CNTNAP2: variants seen among roughly 807,000 people sequenced by gnomAD.
CNTNAP2 encodes the protein contactin-associated protein-like 2.
In CNTNAP2, 98 loss-of-function variants were observed where a neutral mutation model predicts 155.2. That is an observed-to-expected ratio of 0.63 (90% CI 0.54 to 0.75). The LOEUF is 0.75. CNTNAP2 is among the 30% of genes least tolerant of loss of function. The probability of loss-of-function intolerance (pLI) is 0.00; values close to 1 mark genes in which losing one functional copy is unlikely to be tolerated. For missense variants in CNTNAP2, 1,727 were observed against 1,688.1 expected, an observed-to-expected ratio of 1.02 and a Z score of -0.40; for synonymous variants, 651 against 631.2, an observed-to-expected ratio of 1.03 and a Z score of -0.47.
intron 9 of CNTNAP2, among the ~76,000 whole-genome samples, chr7:147,360,648 C>T (rs1796133506): frequency 1.3e-5 from 2 of 151,848 alleles, no homozygotes; most frequent in South Asian, 2.1e-4. Context: ...GAAAAAAAAA[C>T]TCTCTGTACC....
chr7:146,555,860 T>G (rs927580191), intron 1 of CNTNAP2, among the ~76,000 whole-genome samples: 38 of 152,174 alleles, frequency 2.5e-4, no homozygotes, highest in Non-Finnish European at 4.6e-4. Context: ...ATACACATTT[T>G]TTTTCTTGTA....
At chr7:148,137,114 T>C (rs1289724233) in intron 16 of CNTNAP2, among the ~76,000 whole-genome samples, 2 of 152,216 alleles carry the variant, frequency 1.3e-5, no homozygotes, top group African/African-American at 2.4e-5. Flanking sequence ...CTAACTCTTC[T>C]ACAACTTTAA....
rs181154202 is a variant in CNTNAP2, at chr7:147,286,394, T to G, written c.1349-13747T>G. Among the ~76,000 whole-genome samples, 322 of 152,190 alleles carry G rather than the reference T, an allele frequency of 2.1e-3. 4 individuals are homozygous for G. The highest frequency in any genetic ancestry group is 1.0e-3 in the Non-Finnish European group (71 of 67,974). ...GCTTAGAACAGAACAAAACAGTGAC[T>G]GTAAACAAATACTAATATTTAATTT... On this transcript the variant is annotated intron_variant, in intron 8 of 23. Transcript: ENST00000361727.
At chr7:147,369,763 T>G (rs1183503036) in intron 9 of CNTNAP2, among the ~76,000 whole-genome samples, 1 of 152,202 alleles carries the variant, frequency 6.6e-6, no homozygotes, top group Admixed American at 6.5e-5. Flanking sequence ...ATTGAGGCCC[T>G]CCTCAACTTT....
Position 147,549,875 on chromosome 7 carries a change from C to T in CNTNAP2, c.1778-12263C>T, listed in dbSNP as rs367563028. On this transcript the variant is annotated intron_variant, in intron 11 of 23. Transcript: ENST00000361727. Reference sequence around the variant, plus strand: ...CAGAGCTATTTATTTAAATAACACACGCATTATATTTGAATTATTTGGTTG... The same window carrying T: ...CAGAGCTATTTATTTAAATAACACATGCATTATATTTGAATTATTTGGTTG... 1.9e-4 allele frequency among the ~76,000 whole-genome samples: 29 copies of T among 152,232 alleles called. No homozygotes were observed. In the South Asian group the frequency reaches 3.3e-3, roughly 17 times the overall value.
At chr7:146,852,877 A>G (rs1794906791) in intron 3 of CNTNAP2, among the ~76,000 whole-genome samples, 1 of 152,214 alleles carries the variant, frequency 6.6e-6, no homozygotes, top group Non-Finnish European at 1.5e-5. Flanking sequence ...GTCGTTGTTT[A>G]TCTTATGCAC....
intron 4 of CNTNAP2, among the ~76,000 whole-genome samples, chr7:147,073,533 A>G (rs1054049327): frequency 6.6e-6 from 1 of 152,162 alleles, no homozygotes; most frequent in Non-Finnish European, 1.5e-5. Flanking sequence ...CCGTGTTTGG[A>G]TGAGATCACC....
At chr7:146,251,153 CATA>C (rs1799750308) in intron 1 of CNTNAP2, among the ~76,000 whole-genome samples, 1 of 152,048 alleles carries the variant, frequency 6.6e-6, no homozygotes, top group Non-Finnish European at 1.5e-5. Flanking sequence ...TGACACAAAA[CATA>C]ATCTTACACA....
chr7:148,322,797 G>GTTT (rs71899726), intron 21 of CNTNAP2, among the ~76,000 whole-genome samples: 11,144 of 135,244 alleles, frequency 0.082, 493 homozygotes, highest in African/African-American at 0.11. Context: ...GTTTTTTGGG[G>GTTT]TTTTTTTTTT....
intron 1 of CNTNAP2, among the ~76,000 whole-genome samples, chr7:146,316,561 A>T (rs540349401): frequency 6.0e-4 from 92 of 152,234 alleles, no homozygotes; most frequent in Admixed American, 3.7e-3. Flanking sequence ...ATTAAAAAAA[A>T]TTATGTCATA....
chr7:147,697,300 C>A (rs188586254), intron 13 of CNTNAP2, among the ~76,000 whole-genome samples: 1 of 152,072 alleles, frequency 6.6e-6, no homozygotes, highest in African/African-American at 2.4e-5. Flanking sequence ...CCTATTAAAG[C>A]CTTCTAGCAT....
In CNTNAP2 at chr7:148,111,693, G is replaced by T. The variant is rs536435341; in HGVS notation, c.2384-6425G>T. Among the ~76,000 whole-genome samples, 5 of 152,154 alleles carry T rather than the reference G, an allele frequency of 3.3e-5. No individual in the cohort carries two copies. In the South Asian group the frequency reaches 1.0e-3, roughly 32 times the overall value. On this transcript the variant is annotated intron_variant, in intron 15 of 23. Coordinates refer to ENST00000361727, the MANE Select transcript of CNTNAP2 (RefSeq NM_014141.6). ...AAAGATCCTGAAAGTTTCCAGAAAG[G>T]AAAAAAATGTAGGTTGCATATAAGG...
At chr7:148,322,032 C>T (rs937136424) in intron 21 of CNTNAP2, among the ~76,000 whole-genome samples, 24 of 151,654 alleles carry the variant, frequency 1.6e-4, no homozygotes, top group African/African-American at 5.1e-4. Flanking sequence ...GCACCCGTCC[C>T]CCTCCCCCAC....
intron 12 of CNTNAP2, among the ~76,000 whole-genome samples, chr7:147,616,158 A>G (rs1237248103): frequency 2.0e-5 from 3 of 152,192 alleles, no homozygotes; most frequent in Non-Finnish European, 4.4e-5. Flanking sequence ...AAAATATTTA[A>G]AACAAATTAT....
Position 147,271,178 on chromosome 7 carries a change from A to C in CNTNAP2, c.1349-28963A>C, listed in dbSNP as rs191609303. Among the ~76,000 whole-genome samples, 186 of 152,292 alleles carry C rather than the reference A, an allele frequency of 1.2e-3. 6 individuals are homozygous for C. The highest frequency in any genetic ancestry group is 5.0e-3 in the South Asian group (24 of 4,834). On this transcript the variant is annotated intron_variant, in intron 8 of 23. Coordinates refer to ENST00000361727, the MANE Select transcript of CNTNAP2 (RefSeq NM_014141.6). ...GATAACACCTCGTTAAATTGAATAG[A>C]TCCTTGTCTTAGCTGCTAAGTAAGT...
At chr7:146,647,040 C>T (rs770045310) in intron 1 of CNTNAP2, among the ~76,000 whole-genome samples, 1 of 152,186 alleles carries the variant, frequency 6.6e-6, no homozygotes, top group South Asian at 2.1e-4. Flanking sequence ...GACAGGGACT[C>T]CCGGCCATAT....
chr7:147,443,871 C>T (rs1338532339), intron 10 of CNTNAP2, among the ~76,000 whole-genome samples: 4 of 152,122 alleles, frequency 2.6e-5, no homozygotes, highest in Admixed American at 1.3e-4. Flanking sequence ...AAGCAACTGG[C>T]TGTGATTCTA....
chr7:146,256,192 T>C (rs1257915792), intron 1 of CNTNAP2, among the ~76,000 whole-genome samples: 1 of 152,152 alleles, frequency 6.6e-6, no homozygotes, highest in Admixed American at 6.6e-5. Flanking sequence ...TCTTGGCAGG[T>C]CATCACTACT....
At chr7:146,812,420 C>A (rs770835546) in intron 2 of CNTNAP2, among the ~76,000 whole-genome samples, 4 of 145,852 alleles carry the variant, frequency 2.7e-5, no homozygotes, top group Admixed American at 6.9e-5. Flanking sequence ...GAAGAAATTT[C>A]TTTTATATGT....
Sources: allele counts gnomAD v4.1 joint callset (sites outside exome capture counted in the v4.1 genomes callset), GRCh38; gene constraint gnomAD v4.1.1; transcripts MANE v1.5; gene names NCBI Gene and HGNC (gene_info 2026-07-23, HGNC 2026-07-21).